RBPJ: variants seen among roughly 807,000 people sequenced by gnomAD.
The protein encoded by RBPJ is recombining binding protein suppressor of hairless.
In RBPJ, 9 loss-of-function variants were observed where a neutral mutation model predicts 67.8. The observed-to-expected ratio is 0.13, with a 90% CI of 0.08 to 0.23. The LOEUF (loss-of-function observed/expected upper bound fraction) is 0.23. Among genes scored for constraint, RBPJ ranks in the 10% least tolerant of loss-of-function variants. The pLI is 1.00. For missense variants in RBPJ, 305 were observed against 595.6 expected, an observed-to-expected ratio of 0.51 and a Z score of 5.08; for synonymous variants, 198 against 203.3, an observed-to-expected ratio of 0.97 and a Z score of 0.22.
chr4:26,150,385 T>G, the RBPJ span, among the ~76,000 whole-genome samples: 6 of 152,210 alleles, frequency 3.9e-5, no homozygotes, highest in Non-Finnish European at 8.8e-5. Context: ...ACCAGGCCTT[T>G]TCACCCCCAC....
chr4:26,196,510 T>C (rs56285014), intron 1 of RBPJ, among the ~76,000 whole-genome samples: 189 of 152,322 alleles, frequency 1.2e-3, no homozygotes, highest in African/African-American at 4.3e-3. Flanking sequence ...ATGCTTCAAA[T>C]GTTTTATCTT....
At chr4:26,144,394 C>T in the RBPJ span, among the ~76,000 whole-genome samples, 11 of 151,504 alleles carry the variant, frequency 7.3e-5, no homozygotes, top group Admixed American at 1.3e-4. Flanking sequence ...CTCAGCCCCC[C>T]GAGTAGCTGG....
chr4:26,124,365 G>A, the RBPJ span, among the ~76,000 whole-genome samples: 12 of 137,814 alleles, frequency 8.7e-5, no homozygotes, highest in Non-Finnish European at 1.4e-4. Context: ...CATCCAGGTC[G>A]CTGTGAATGC....
intron 2 of RBPJ, among the ~76,000 whole-genome samples, chr4:26,387,663 C>T (rs984687325): frequency 2.8e-4 from 43 of 152,166 alleles, no homozygotes; most frequent in Non-Finnish European, 4.6e-4. Flanking sequence ...CAGAGATCTA[C>T]AGAGGTTTCC....
At chr4:26,157,703 T>C in the RBPJ span, among the ~76,000 whole-genome samples, 1 of 152,180 alleles carries the variant, frequency 6.6e-6, no homozygotes, top group Non-Finnish European at 1.5e-5. Context: ...ATCTTGACTT[T>C]AGGCTTGGTT....
intron 1 of RBPJ, among the ~76,000 whole-genome samples, chr4:26,192,493 T>C (rs1717602685): frequency 6.6e-6 from 1 of 152,206 alleles, no homozygotes; most frequent in Admixed American, 6.5e-5. Flanking sequence ...GATTATGCAA[T>C]ACCCACTCAT....
At chr4:26,362,809 C>T (rs1728217564) in intron 1 of RBPJ, among the ~76,000 whole-genome samples, 1 of 151,956 alleles carries the variant, frequency 6.6e-6, no homozygotes, top group Non-Finnish European at 1.5e-5. Context: ...TTACAAAAAC[C>T]CATGGATTTT....
chr4:26,381,389 A>G (rs1202423576), intron 1 of RBPJ, among the ~76,000 whole-genome samples: 3 of 152,080 alleles, frequency 2.0e-5, no homozygotes, highest in Non-Finnish European at 2.9e-5. Flanking sequence ...CCTCAATACT[A>G]TTTACAGGTA....
chr4:26,130,695 A>G, the RBPJ span, among the ~76,000 whole-genome samples: 4 of 152,188 alleles, frequency 2.6e-5, no homozygotes, highest in African/African-American at 9.6e-5. Context: ...GAGAAGAAAA[A>G]AATTCTGTGC....
At chr4:26,348,516 C>A (rs1381377521) in intron 1 of RBPJ, among the ~76,000 whole-genome samples, 5 of 152,112 alleles carry the variant, frequency 3.3e-5, no homozygotes, top group Non-Finnish European at 5.9e-5. Flanking sequence ...CTTTTGATTG[C>A]TTGCTCTTAT....
intron 1 of RBPJ, among the ~76,000 whole-genome samples, chr4:26,326,311 C>G (rs901627705): frequency 6.6e-5 from 10 of 151,622 alleles, no homozygotes; most frequent in African/African-American, 2.4e-4. Context: ...TAGTAAGGCT[C>G]TTAGGCAAAA....
chr4:26,202,968 A>AGG (rs1478198796), intron 1 of RBPJ, among the ~76,000 whole-genome samples: 13 of 65,976 alleles, frequency 2.0e-4, no homozygotes, highest in African/African-American at 6.2e-4. Flanking sequence ...GAAGGAAGGA[A>AGG]ATAAGGAAGG....
At chr4:26,337,576 A>G (rs1169004242) in intron 1 of RBPJ, among the ~76,000 whole-genome samples, 1 of 151,662 alleles carries the variant, frequency 6.6e-6, no homozygotes, top group Non-Finnish European at 1.5e-5. Flanking sequence ...TGCATGTGTG[A>G]AGGTAACCAA....
intron 1 of RBPJ, among the ~76,000 whole-genome samples, chr4:26,354,312 A>G (rs1027741810): frequency 2.0e-4 from 30 of 152,124 alleles, no homozygotes; most frequent in African/African-American, 7.0e-4. Flanking sequence ...TTACTTTTAT[A>G]TCCTGATTTT....
At chr4:26,109,575 C>CTA in the RBPJ span, among the ~76,000 whole-genome samples, 15 of 55,348 alleles carry the variant, frequency 2.7e-4, 1 homozygote, top group Non-Finnish European at 5.0e-4. Flanking sequence ...CTCTCTCTCT[C>CTA]TCTCTATATA....
At chr4:26,265,894 G>A (rs983811383) in intron 1 of RBPJ, among the ~76,000 whole-genome samples, 1 of 151,776 alleles carries the variant, frequency 6.6e-6, no homozygotes, top group Non-Finnish European at 1.5e-5. Flanking sequence ...AAAATTAGCC[G>A]GGCCTGGTGG....
chr4:26,273,465 C>G (rs993259053), intron 1 of RBPJ, among the ~76,000 whole-genome samples: 2 of 152,206 alleles, frequency 1.3e-5, no homozygotes, highest in African/African-American at 4.8e-5. Context: ...GAGCGGGCCT[C>G]CCGGCCTTGG....
chr4:26,128,412 G>C, the RBPJ span, among the ~76,000 whole-genome samples: 4 of 152,112 alleles, frequency 2.6e-5, no homozygotes. Flanking sequence ...AACATTTATT[G>C]AGCACTTTCT....
At chr4:26,307,707 T>A (rs1305060400) in intron 1 of RBPJ, among the ~76,000 whole-genome samples, 1 of 152,180 alleles carries the variant, frequency 6.6e-6, no homozygotes, top group Non-Finnish European at 1.5e-5. Context: ...TTAGGCCACA[T>A]GTTTGGAAAG....
Sources: gnomAD v4.1 joint callset for allele counts (sites outside exome capture counted in the v4.1 genomes callset) on GRCh38, gnomAD v4.1.1 for gene constraint, MANE v1.5 for transcripts, NCBI Gene and HGNC (gene_info 2026-07-23, HGNC 2026-07-21) for gene names.